Variants in TNS1 observed in about 807,000 individuals in gnomAD.
The protein encoded by TNS1 is tensin 1.
A neutral mutation model predicts 168.6 loss-of-function variants in TNS1; 62 were observed. The observed-to-expected ratio is 0.37, with a 90% confidence interval of 0.30 to 0.45. The LOEUF (loss-of-function observed/expected upper bound fraction) is 0.45. TNS1 is among the 20% of genes least tolerant of loss of function. The probability of loss-of-function intolerance (pLI) is 1.00; values close to 1 mark genes in which losing one functional copy is unlikely to be tolerated. For missense variants in TNS1, 2,240 were observed against 2,339.4 expected (o/e 0.96, Z 0.88); for synonymous variants, 934 against 933.2 (o/e 1.00, Z -0.02).
chr2:217,980,790 C>T (rs1433449196), intron 2 of TNS1, among the ~76,000 whole-genome samples: 1 of 152,104 alleles, frequency 6.6e-6, no homozygotes, highest in Non-Finnish European at 1.5e-5. Flanking sequence ...CAGCATGCTC[C>T]CTGCTCTGCC....
chr2:217,848,228 G>A lies in TNS1; in HGVS notation c.2289C>T (p.Ser763=). 1 of 1,579,938 alleles carries A rather than the reference G, an allele frequency of 6.3e-7. No homozygotes were observed. The highest frequency in any genetic ancestry group is 1.2e-5 in the South Asian group (1 of 84,752). ...GTCCCCTTTGCACAGCCTCCCGGCT[G>A]CTTCCCCCTCGGACCGGAGCTGGGG... The part of the protein sequence containing the change: ...QLPPAPVRGG[S]SREAVQRGLN... Residue 763 remains serine (S), a synonymous_variant, in exon 19 of 33, where the codon AGC becomes AGT. Transcript: ENST00000682258.
At chr2:217,961,066 T>C (rs189077448) in intron 3 of TNS1, among the ~76,000 whole-genome samples, 24 of 151,978 alleles carry the variant, frequency 1.6e-4, no homozygotes, top group African/African-American at 5.3e-4. Flanking sequence ...CTTCCATGTC[T>C]CCCTCCCAAA....
chr2:217,892,737 C>A (rs745499398), intron 11 of TNS1, among the ~76,000 whole-genome samples: 3 of 152,186 alleles, frequency 2.0e-5, no homozygotes, highest in Non-Finnish European at 4.4e-5. Context: ...CCCACCAGAA[C>A]CCCTGATAGA....
rs1958906931 is a variant in TNS1, at chr2:218,032,650, G to A, written c.156+1170C>T. ...ATGTTTATCTGCCCCAAGAACGAGG[G>A]TATCACCCCTCCTCTAGTGAGGCCC... On this transcript the variant is annotated intron_variant, in intron 1 of 1. Transcript: ENST00000649572. The surrounding 1 kb of genome is among the most constrained non-coding windows in gnomAD (Gnocchi z 4.0). 6.6e-6 allele frequency among the ~76,000 whole-genome samples: 1 copy of A among 152,166 alleles called. No individual in the cohort carries two copies. Among genetic ancestry groups the A allele is most frequent in the South Asian group, 2.1e-4 (1 of 4,834 alleles).
chr2:217,819,403 C>A (rs1942463223), intron 23 of TNS1, among the ~76,000 whole-genome samples: 1 of 152,168 alleles, frequency 6.6e-6, no homozygotes, highest in Admixed American at 6.5e-5. Flanking sequence ...GGTAATGAGG[C>A]TCCTGTCATT....
At chr2:217,895,564 C>T (rs1952206739) in intron 8 of TNS1, among the ~76,000 whole-genome samples, 1 of 152,194 alleles carries the variant, frequency 6.6e-6, no homozygotes, top group Non-Finnish European at 1.5e-5. Context: ...CCACTTCATA[C>T]CTTGACCCTA....
chr2:217,917,932 A>T (rs1226468368), intron 4 of TNS1, among the ~76,000 whole-genome samples: 1 of 151,506 alleles, frequency 6.6e-6, no homozygotes, highest in Non-Finnish European at 1.5e-5. Context: ...AAAGGCCTGG[A>T]GGCATCATAT....
At chr2:217,862,685 C>T (rs1381290093) in intron 18 of TNS1, among the ~76,000 whole-genome samples, 3 of 150,872 alleles carry the variant, frequency 2.0e-5, no homozygotes, top group African/African-American at 7.3e-5. Context: ...AAGAGTTTCC[C>T]ACTGTCACAC....
chr2:218,030,145 C>T (rs1559415280), intron 1 of TNS1, among the ~76,000 whole-genome samples: 1 of 152,106 alleles, frequency 6.6e-6, no homozygotes, highest in Non-Finnish European at 1.5e-5. Context: ...CCTCCCAATC[C>T]ATATACACAC....
At chr2:217,949,966 A>G (rs988236208) in intron 3 of TNS1, among the ~76,000 whole-genome samples, 1 of 152,204 alleles carries the variant, frequency 6.6e-6, no homozygotes, top group Non-Finnish European at 1.5e-5. Context: ...TTTAGCTAAC[A>G]GTAGGATATG....
intron 4 of TNS1, among the ~76,000 whole-genome samples, chr2:217,916,370 C>A (rs3828281): frequency 0.57 from 86,289 of 151,534 alleles, 24,878 homozygotes; most frequent in East Asian, 0.63. Flanking sequence ...GCTGGGCCTG[C>A]CTGGGCAAGT....
chr2:218,010,260 GC>G, exon 1 of TNS1: 1 of 398,514 alleles, frequency 2.5e-6, no homozygotes, highest in Non-Finnish European at 4.4e-6. Context: ...CGCTCCTGGC[GC>G]AGAGTTCCGG....
chr2:217,817,078 G>T (rs1363228755), intron 24 of TNS1, among the ~76,000 whole-genome samples: 1 of 152,194 alleles, frequency 6.6e-6, no homozygotes, highest in Admixed American at 6.5e-5. Context: ...GCACTGTGGG[G>T]CTGGCAAAGG....
chr2:217,818,844 A>G, intron 23 of TNS1, 85 bp from the exon 24 acceptor site: 1 of 1,095,416 alleles, frequency 9.1e-7, no homozygotes, highest in Non-Finnish European at 1.3e-6. Flanking sequence ...CCTCCCTCCA[A>G]CCATGAACAA....
intron 1 of TNS1, among the ~76,000 whole-genome samples, chr2:217,996,871 AC>A (rs1300269250): frequency 6.6e-6 from 1 of 151,274 alleles, no homozygotes; most frequent in Non-Finnish European, 1.5e-5. Context: ...TCCAGAATAA[AC>A]CCTGCCCTCC....
intron 3 of TNS1, among the ~76,000 whole-genome samples, chr2:217,966,318 C>CGCGT (rs1553621705): frequency 6.0e-5 from 9 of 150,430 alleles, no homozygotes; most frequent in African/African-American, 2.2e-4. Context: ...TGCGCGCGCG[C>CGCGT]GCGTGTGTAA....
At chr2:217,991,790 T>A (rs1958372533) in intron 1 of TNS1, among the ~76,000 whole-genome samples, 4 of 152,072 alleles carry the variant, frequency 2.6e-5, no homozygotes, top group African/African-American at 2.4e-5. Flanking sequence ...CTCTCCACCA[T>A]CCCCTGCCCC....
At chr2:217,969,896 T>C (rs745387556) in intron 3 of TNS1, among the ~76,000 whole-genome samples, 8 of 152,118 alleles carry the variant, frequency 5.3e-5, no homozygotes, top group Non-Finnish European at 1.0e-4. Context: ...TGTGCTGAAG[T>C]CCTAACCCCC....
chr2:217,961,260 C>CAGAGAGAGAG (rs139190494), intron 3 of TNS1, among the ~76,000 whole-genome samples: 4,383 of 139,414 alleles, frequency 0.031, 88 homozygotes, highest in Admixed American at 0.068. Flanking sequence ...CACACACACA[C>CAGAGAGAGAG]AGAGAGAGAG....
Sources: gnomAD v4.1 joint callset for allele counts (sites outside exome capture counted in the v4.1 genomes callset) on GRCh38, gnomAD v4.1.1 for gene constraint, Gnocchi (gnomAD v3.1) non-coding constraint, MANE v1.5 for transcripts, NCBI Gene and HGNC (gene_info 2026-07-23, HGNC 2026-07-21) for gene names.